EPHB1: variants seen among roughly 807,000 people sequenced by gnomAD.
EPHB1 encodes EPH receptor B1, also known as ephrin type-B receptor 1.
EPHB1 carries 30 observed loss-of-function variants against 94.4 expected under a neutral mutation model. The observed-to-expected ratio is 0.32, with a 90% confidence interval of 0.24 to 0.43. The LOEUF (loss-of-function observed/expected upper bound fraction) is 0.43. EPHB1 is among the 20% of genes least tolerant of loss of function. The pLI is 1.00. For missense variants in EPHB1, 1,055 were observed against 1,308.3 expected, an observed-to-expected ratio of 0.81 and a Z score of 2.99; for synonymous variants, 522 against 489.1, an observed-to-expected ratio of 1.07 and a Z score of -0.89.
intron 2 of EPHB1, among the ~76,000 whole-genome samples, chr3:134,933,964 T>C (rs2038952947): frequency 6.6e-6 from 1 of 152,178 alleles, no homozygotes; most frequent in African/African-American, 2.4e-5. Flanking sequence ...GCCTCCCTGC[T>C]GTTGGGCCTC....
chr3:135,240,924 T>C (rs1421901749), intron 12 of EPHB1, among the ~76,000 whole-genome samples: 1 of 151,906 alleles, frequency 6.6e-6, no homozygotes, highest in East Asian at 1.9e-4. Flanking sequence ...ACATGTGGCA[T>C]ATCCACATGA....
At chr3:134,927,089 G>T (rs965974836) in intron 2 of EPHB1, among the ~76,000 whole-genome samples, 2 of 152,112 alleles carry the variant, frequency 1.3e-5, no homozygotes, top group African/African-American at 2.4e-5. Flanking sequence ...GCTAGGACAG[G>T]GTGGCCCTGG....
chr3:135,027,977 A>T (rs1443452300), intron 3 of EPHB1, among the ~76,000 whole-genome samples: 1 of 145,474 alleles, frequency 6.9e-6, no homozygotes, highest in African/African-American at 2.5e-5. Flanking sequence ...CAAGGAATTT[A>T]TCCATTTCTT....
intron 3 of EPHB1, among the ~76,000 whole-genome samples, chr3:135,015,612 A>G (rs1457343602): frequency 6.6e-6 from 1 of 152,186 alleles, no homozygotes; most frequent in African/African-American, 2.4e-5. Flanking sequence ...CTGCTTACCA[A>G]TGACCCAGTG....
At chr3:135,192,846 A>T in intron 11 of EPHB1, 23 bp downstream of exon 11, 2 of 1,607,392 alleles carry the variant, frequency 1.2e-6, no homozygotes, top group Non-Finnish European at 8.5e-7. Context: ...CAGGGGTTTG[A>T]TGATGCACTT....
At chr3:135,042,903 G>T (rs112522446) in intron 3 of EPHB1, among the ~76,000 whole-genome samples, 1 of 151,926 alleles carries the variant, frequency 6.6e-6, no homozygotes, top group Non-Finnish European at 1.5e-5. Flanking sequence ...GTGCAGTGGC[G>T]CAATCTCGGC....
Position 135,134,091 on chromosome 3 carries a change from G to C in EPHB1, c.1297+1042G>C, listed in dbSNP as rs570121346. On this transcript the variant is annotated intron_variant, in intron 5 of 15. Transcript: ENST00000398015. ...GAGAAAAATGAGCAATCTCTCTCCC[G>C]GGGTTACCGTGCAAGGCTGCAGAGG... is the stretch of plus-strand genomic sequence containing the variant. Among the ~76,000 whole-genome samples the C allele has an allele frequency of 2.0e-5, 3 of 152,358 alleles. No individual in the cohort carries two copies. The South Asian group carries it at 6.2e-4, about 32-fold the overall frequency.
At chr3:135,228,486 C>T (rs866259474) in intron 12 of EPHB1, among the ~76,000 whole-genome samples, 11 of 152,102 alleles carry the variant, frequency 7.2e-5, no homozygotes, top group East Asian at 1.9e-4. Flanking sequence ...GCATAGCTTA[C>T]GAGATTTGCC....
chr3:134,868,113 C>T (rs2037419598), intron 1 of EPHB1, among the ~76,000 whole-genome samples: 1 of 152,162 alleles, frequency 6.6e-6, no homozygotes, highest in African/African-American at 2.4e-5. Flanking sequence ...TACTTAAGTG[C>T]TTATCTTTCT....
At chr3:135,236,601 T>C (rs892632307) in intron 12 of EPHB1, among the ~76,000 whole-genome samples, 31 of 152,226 alleles carry the variant, frequency 2.0e-4, no homozygotes, top group African/African-American at 6.8e-4. Context: ...TATAAACCTT[T>C]TGGAATAGCA....
chr3:134,959,417 G>C (rs1933416039), intron 3 of EPHB1, among the ~76,000 whole-genome samples: 1 of 152,150 alleles, frequency 6.6e-6, no homozygotes, highest in Non-Finnish European at 1.5e-5. Flanking sequence ...TCTGAGACTG[G>C]CTTTTGCTAA....
chr3:134,881,245 G>A (rs1182894677), intron 1 of EPHB1, among the ~76,000 whole-genome samples: 4 of 152,178 alleles, frequency 2.6e-5, no homozygotes, highest in African/African-American at 9.7e-5. Context: ...GGCTCTGTGG[G>A]AAGTGTAGGT....
At chr3:135,061,425 T>G (rs1401545927) in intron 3 of EPHB1, among the ~76,000 whole-genome samples, 1 of 136,708 alleles carries the variant, frequency 7.3e-6, no homozygotes, top group East Asian at 2.2e-4. Flanking sequence ...TTTTGCATCC[T>G]CATGGCTTAG....
At chr3:134,839,183 T>C (rs2036732327) in intron 1 of EPHB1, among the ~76,000 whole-genome samples, 1 of 152,180 alleles carries the variant, frequency 6.6e-6, no homozygotes, top group South Asian at 2.1e-4. Flanking sequence ...TGAAAGCAAC[T>C]GTTCAGGCCA....
chr3:135,140,984 A>G (rs911376855), intron 5 of EPHB1, among the ~76,000 whole-genome samples: 3 of 152,174 alleles, frequency 2.0e-5, no homozygotes, highest in Non-Finnish European at 4.4e-5. Flanking sequence ...CTGGGTAAAT[A>G]AAGGCAATGC....
chr3:135,199,358 C>T (rs913113526), intron 11 of EPHB1, among the ~76,000 whole-genome samples: 3 of 152,168 alleles, frequency 2.0e-5, no homozygotes, highest in Non-Finnish European at 2.9e-5. Context: ...CAACAGCCTG[C>T]CTAACTTCTT....
At chr3:134,946,091 A>G (rs9819131) in intron 2 of EPHB1, among the ~76,000 whole-genome samples, 85,967 of 152,024 alleles carry the variant, frequency 0.57, 26,236 homozygotes, top group African/African-American at 0.79. Flanking sequence ...GAAGGTCTAG[A>G]GATTCTCCCC....
intron 3 of EPHB1, among the ~76,000 whole-genome samples, chr3:135,006,122 G>T (rs1212930741): frequency 2.0e-5 from 3 of 152,192 alleles, no homozygotes; most frequent in Non-Finnish European, 4.4e-5. Flanking sequence ...CAGCCATGTG[G>T]AACTGTGAGT....
intron 1 of EPHB1, among the ~76,000 whole-genome samples, chr3:134,880,103 AC>A (rs1202896864): frequency 1.3e-5 from 2 of 152,136 alleles, no homozygotes; most frequent in Non-Finnish European, 2.9e-5. Context: ...GGCTGGAAGA[AC>A]CCTCTGGGAA....
Sources: allele counts gnomAD v4.1 joint callset (sites outside exome capture counted in the v4.1 genomes callset), GRCh38; gene constraint gnomAD v4.1.1; transcripts MANE v1.5; gene names NCBI Gene and HGNC (gene_info 2026-07-23, HGNC 2026-07-21).